The following ADAMTSL1 variants were observed in gnomAD, a reference collection of about 807,000 sequenced individuals.
ADAMTSL1 encodes ADAMTS like 1, also known as ADAMTS-like protein 1.
In ADAMTSL1, 126 loss-of-function variants were observed where a neutral mutation model predicts 201.8. The observed-to-expected ratio is 0.62, with a 90% confidence interval of 0.54 to 0.72. The LOEUF (loss-of-function observed/expected upper bound fraction) is 0.72, where lower values mean the gene tolerates loss of function less well. Ranked by LOEUF, ADAMTSL1 falls within the 30% of genes least tolerant of loss-of-function variation. The probability of loss-of-function intolerance (pLI) is 0.00; values close to 1 mark genes in which losing one functional copy is unlikely to be tolerated. For synonymous variants in ADAMTSL1, 1,121 were observed against 903.4 expected (o/e 1.24, Z -4.32); for missense variants, 2,679 against 2,277.8 (o/e 1.18, Z -3.59).
intron 1 of ADAMTSL1, among the ~76,000 whole-genome samples, chr9:18,119,620 G>A (rs958543348): frequency 1.3e-5 from 2 of 152,040 alleles, no homozygotes; most frequent in African/African-American, 4.8e-5. Context: ...TCCTTCTTTA[G>A]TATGATGTAC....
intron 5 of ADAMTSL1, among the ~76,000 whole-genome samples, chr9:18,633,426 C>A (rs1046164133): frequency 6.6e-6 from 1 of 152,010 alleles, no homozygotes; most frequent in African/African-American, 2.4e-5. Flanking sequence ...CCCGTCTCTA[C>A]TAAAAATACA....
intron 2 of ADAMTSL1, among the ~76,000 whole-genome samples, chr9:18,402,873 C>G (rs184267697): frequency 4.7e-4 from 71 of 152,258 alleles, no homozygotes; most frequent in African/African-American, 1.6e-3. Context: ...ATTGTTGCTG[C>G]TATTGCCAGT....
intron 4 of ADAMTSL1, among the ~76,000 whole-genome samples, chr9:18,601,705 T>G (rs1375143857): frequency 6.6e-6 from 1 of 152,056 alleles, no homozygotes; most frequent in African/African-American, 2.4e-5. Context: ...GTAGCATATA[T>G]CATACATCAT....
intron 1 of ADAMTSL1, among the ~76,000 whole-genome samples, chr9:18,044,402 T>C (rs1475206303): frequency 2.0e-5 from 3 of 152,038 alleles, no homozygotes; most frequent in South Asian, 2.1e-4. Context: ...GAGTGGACCA[T>C]GTGGTGGGAT....
intron 2 of ADAMTSL1, among the ~76,000 whole-genome samples, chr9:18,392,362 A>G (rs1223244977): frequency 6.6e-6 from 1 of 152,212 alleles, no homozygotes; most frequent in African/African-American, 2.4e-5. Context: ...AAAAAGGAAC[A>G]GTGCGGTAGG....
At chr9:18,146,484 A>G (rs1266423997) in intron 1 of ADAMTSL1, among the ~76,000 whole-genome samples, 1 of 152,184 alleles carries the variant, frequency 6.6e-6, no homozygotes, top group South Asian at 2.1e-4. Context: ...TACATAGTAT[A>G]TGATTCTGAT....
chr9:18,650,874 C>A (rs1828197786), intron 7 of ADAMTSL1, among the ~76,000 whole-genome samples: 1 of 152,104 alleles, frequency 6.6e-6, no homozygotes, highest in South Asian at 2.1e-4. Flanking sequence ...CCTCATCAAA[C>A]CTGTTTACTC....
intron 2 of ADAMTSL1, among the ~76,000 whole-genome samples, chr9:18,525,241 A>G (rs1196991205): frequency 6.6e-6 from 1 of 152,144 alleles, no homozygotes; most frequent in Admixed American, 6.5e-5. Flanking sequence ...AGGTGTTTAT[A>G]GTATTCTCTG....
At chr9:18,860,055 A>G (rs540902882) in intron 23 of ADAMTSL1, among the ~76,000 whole-genome samples, 1 of 152,346 alleles carries the variant, frequency 6.6e-6, no homozygotes, top group South Asian at 2.1e-4. Flanking sequence ...ATTCAGATCA[A>G]TTACGTCTGA....
At chr9:18,236,630 T>C (rs1830860338) in intron 2 of ADAMTSL1, among the ~76,000 whole-genome samples, 2 of 152,234 alleles carry the variant, frequency 1.3e-5, no homozygotes, top group South Asian at 2.1e-4. Flanking sequence ...TTAAAAGAGA[T>C]AAGCTGCAAG....
chr9:17,937,852 A>C (rs1324915827), intron 1 of ADAMTSL1, among the ~76,000 whole-genome samples: 2 of 152,180 alleles, frequency 1.3e-5, no homozygotes, highest in African/African-American at 2.4e-5. Flanking sequence ...GTTTGAATCA[A>C]AATAATGGTG....
chr9:18,471,502 G>T (rs1194194940), upstream of ADAMTSL1, among the ~76,000 whole-genome samples: 2 of 152,138 alleles, frequency 1.3e-5, no homozygotes, highest in Non-Finnish European at 2.9e-5. Context: ...CCATAAAGAT[G>T]GCATGTACAT....
At chr9:18,154,549 A>G (rs1200203065) in intron 1 of ADAMTSL1, among the ~76,000 whole-genome samples, 3 of 152,104 alleles carry the variant, frequency 2.0e-5, no homozygotes, top group African/African-American at 7.2e-5. Flanking sequence ...GTGCCTGTGC[A>G]GTGCTTTCCT....
chr9:18,753,410 C>G lies in ADAMTSL1; in HGVS notation c.2119C>G (p.Leu707Val). The change falls in exon 16 of 29, where the codon CTG (leucine) becomes GTG (valine). Residue 707 changes from leucine to valine, a missense_variant. Physicochemically the swap from Leu to Val is conservative, Grantham distance 32. Transcript: ENST00000380548. ...CAGAGAGATGAATGAAACAGTCATC[C>G]TGGCTGATGAGCTGTGTCGCCAGCC... is the stretch of plus-strand genomic sequence containing the variant. ...LSREMNETVI[L>V]ADELCRQPKP... 6.2e-7 allele frequency: 1 copy of G among 1,613,244 alleles called. No homozygotes were observed. Among genetic ancestry groups the G allele is most frequent in the South Asian group, 1.1e-5 (1 of 90,784 alleles).
intron 1 of ADAMTSL1, among the ~76,000 whole-genome samples, chr9:18,069,671 A>G (rs1445713001): frequency 2.0e-5 from 3 of 152,164 alleles, no homozygotes; most frequent in Non-Finnish European, 4.4e-5. Context: ...TATTTTGACA[A>G]TACTGTGATC....
At chr9:18,102,748 A>T (rs1360961225) in intron 1 of ADAMTSL1, among the ~76,000 whole-genome samples, 1 of 152,224 alleles carries the variant, frequency 6.6e-6, no homozygotes, top group African/African-American at 2.4e-5. Context: ...AGTTACAGAG[A>T]TTAGTCTAGA....
chr9:18,466,610 A>G (rs902458586), intron 2 of ADAMTSL1, among the ~76,000 whole-genome samples: 2 of 152,196 alleles, frequency 1.3e-5, no homozygotes, highest in African/African-American at 2.4e-5. Flanking sequence ...CCATAAATAT[A>G]TGCAATTTTA....
At chr9:18,657,614 T>A (rs1484133230) in intron 7 of ADAMTSL1, 25 bp from the exon 8 acceptor site, 1 of 1,573,256 alleles carries the variant, frequency 6.4e-7, no homozygotes, top group South Asian at 1.1e-5. Context: ...TCACATTACT[T>A]CTACTTTCCT....
intron 2 of ADAMTSL1, among the ~76,000 whole-genome samples, chr9:18,237,754 C>A (rs1830905354): frequency 6.6e-6 from 1 of 152,208 alleles, no homozygotes; most frequent in South Asian, 2.1e-4. Context: ...TATCCCATCC[C>A]ATTTTACATA....
Sources: allele counts gnomAD v4.1 joint callset (sites outside exome capture counted in the v4.1 genomes callset), GRCh38; gene constraint gnomAD v4.1.1; transcripts MANE v1.5; gene names NCBI Gene and HGNC (gene_info 2026-07-23, HGNC 2026-07-21).